The following KIF1A variants were observed in gnomAD, a reference collection of about 807,000 sequenced individuals.
KIF1A encodes the protein kinesin-like protein KIF1A.
KIF1A carries 46 observed loss-of-function variants against 227.3 expected under a neutral mutation model. The observed-to-expected ratio is 0.20, with a 90% CI of 0.16 to 0.26. The LOEUF (loss-of-function observed/expected upper bound fraction) is 0.26. Among genes scored for constraint, KIF1A ranks in the 10% least tolerant of loss-of-function variants. The probability of loss-of-function intolerance (pLI) is 1.00; values close to 1 mark genes in which losing one functional copy is unlikely to be tolerated. For missense variants in KIF1A, 1,683 were observed against 2,485.9 expected, an observed-to-expected ratio of 0.68 and a Z score of 6.87; for synonymous variants, 1,022 against 1,012.8, an observed-to-expected ratio of 1.01 and a Z score of -0.17.
At position 240,746,053 on chromosome 2, in the gene KIF1A, T is replaced by C; in HGVS notation, c.3188A>G (p.Asn1063Ser). 2 of 1,607,232 alleles carry C rather than the reference T, an allele frequency of 1.2e-6. No individual in the cohort carries two copies. Among genetic ancestry groups the C allele is most frequent in the Non-Finnish European group, 1.7e-6 (2 of 1,177,296 alleles). The change falls in exon 30 of 49, where the codon AAC (asparagine) becomes AGC (serine). Residue 1063 changes from asparagine to serine, a missense_variant. Coordinates refer to ENST00000498729, the MANE Select transcript of KIF1A (RefSeq NM_001244008.2). Reference protein sequence around the residue: ...DVGPSADEVNNNTCSAVPPEG... With the variant: ...DVGPSADEVNSNTCSAVPPEG... Reference sequence around the variant, plus strand: ...GGGCGACCCACCTGAACAGGTGTTGTTGTTGACTTCATCGGCTGAGGGCCC... The same window carrying C: ...GGGCGACCCACCTGAACAGGTGTTGCTGTTGACTTCATCGGCTGAGGGCCC...
At position 240,743,028 on chromosome 2, in the gene KIF1A, C is replaced by T. The variant is rs74924566; in HGVS notation, c.3585-44G>A. The T allele has an allele frequency of 3.9e-5, 59 of 1,513,032 alleles. No homozygotes were observed. In the East Asian group the frequency reaches 4.5e-4, roughly 11 times the overall value. The allele number at this position is 1,513,032 out of a possible 1,614,324, so 93.7% of individuals were successfully genotyped here. Reference sequence around the variant, plus strand: ...TGTGAGGTGTTTGCGGGACCCTGGGCGGGAGGGGTCAGAAGGAGACAGAAG... The same window carrying T: ...TGTGAGGTGTTTGCGGGACCCTGGGTGGGAGGGGTCAGAAGGAGACAGAAG... On this transcript the variant is annotated intron_variant, in intron 33 of 48. Transcript: ENST00000498729.
chr2:240,745,296 T>C, intron 32 of KIF1A, 131 bp downstream of exon 32: 1 of 759,484 alleles, frequency 1.3e-6, no homozygotes, highest in Non-Finnish European at 2.3e-6. Context: ...TGCCTGGCAC[T>C]GGAGTTCCCG....
At position 240,740,797 on chromosome 2, in the gene KIF1A, C is replaced by T. The variant is rs1005549557; in HGVS notation, c.3750-433G>A. Among the ~76,000 whole-genome samples the T allele has an allele frequency of 6.6e-6, 1 of 152,122 alleles. No homozygotes were observed. Among genetic ancestry groups the T allele is most frequent in the African/African-American group, 2.4e-5 (1 of 41,430 alleles). On this transcript the variant is annotated intron_variant, in intron 35 of 48. Coordinates refer to ENST00000498729, the MANE Select transcript of KIF1A (RefSeq NM_001244008.2). The surrounding 1 kb of genome is among the most constrained non-coding windows in gnomAD (Gnocchi z 6.1). ...CAAGGATCCGAGTCTCCACCAGGCCCCACTCTGAGCTGCCAGCCACAGCCC... is the reference window on the plus strand; with the variant it reads ...CAAGGATCCGAGTCTCCACCAGGCCTCACTCTGAGCTGCCAGCCACAGCCC...
At chr2:240,805,648 A>G (rs1438563800) in intron 1 of KIF1A, among the ~76,000 whole-genome samples, 2 of 142,742 alleles carry the variant, frequency 1.4e-5, no homozygotes, top group Non-Finnish European at 3.0e-5. Context: ...ATTAATGGAC[A>G]TATGTGCCTC....
chr2:240,786,216 C>T, intron 6 of KIF1A, 119 bp downstream of exon 6: 2 of 1,008,456 alleles, frequency 2.0e-6, no homozygotes, highest in Non-Finnish European at 3.0e-6. Flanking sequence ...GAGGCCACAC[C>T]TCCGCGGGGG....
At chr2:240,741,449 A>G in intron 34 of KIF1A, 72 bp from the exon 35 acceptor site, 1 of 1,223,880 alleles carries the variant, frequency 8.2e-7, no homozygotes, top group East Asian at 2.8e-5. Context: ...ACACTCAAGG[A>G]GGAGATGCCG....
chr2:240,804,585 A>G (rs942436155), intron 1 of KIF1A, among the ~76,000 whole-genome samples: 1 of 152,180 alleles, frequency 6.6e-6, no homozygotes, highest in Admixed American at 6.5e-5. Context: ...ACTGGAACCA[A>G]GTCACCACAA....
chr2:240,732,268 G>A (rs1285981229), intron 38 of KIF1A, among the ~76,000 whole-genome samples: 1 of 112,634 alleles, frequency 8.9e-6, no homozygotes, highest in African/African-American at 4.0e-5. Flanking sequence ...GGGGAGGAGG[G>A]ATGAAGGGAG....
At chr2:240,773,394 G>T (rs2052278403) in intron 12 of KIF1A, 138 bp from the exon 13 acceptor site, 1 of 1,024,768 alleles carries the variant, frequency 9.8e-7, no homozygotes, top group Non-Finnish European at 1.4e-6. Context: ...AGCCAGCACA[G>T]CCTGGCACAG....
chr2:240,743,891 G>T, intron 33 of KIF1A, 51 bp downstream of exon 33: 2 of 1,205,662 alleles, frequency 1.7e-6, no homozygotes. Context: ...AAAGATCTGG[G>T]CAGGGGCTTT....
chr2:240,818,439 C>T (rs1231746190), intron 1 of KIF1A, among the ~76,000 whole-genome samples: 2 of 152,196 alleles, frequency 1.3e-5, no homozygotes, highest in African/African-American at 2.4e-5. Context: ...AACAAGGAAC[C>T]CCTCTAAATA....
intron 38 of KIF1A, among the ~76,000 whole-genome samples, chr2:240,733,982 G>C (rs961769968): frequency 1.3e-5 from 2 of 152,376 alleles, no homozygotes; most frequent in Admixed American, 1.3e-4. Flanking sequence ...CCCCAGGCTG[G>C]CACGGGCAGG....
At chr2:240,748,651 G>A (rs775209589) in intron 28 of KIF1A, 1 of 300,908 alleles carries the variant, frequency 3.3e-6, no homozygotes. Flanking sequence ...TTGCAGCCCT[G>A]GTAAACACCC....
At chr2:240,754,484 G>A (rs73102635) in intron 27 of KIF1A, among the ~76,000 whole-genome samples, 1,822 of 152,328 alleles carry the variant, frequency 0.012, 39 homozygotes, top group African/African-American at 0.042. Flanking sequence ...CTGTGAGCTG[G>A]GCCCGGAAGG....
chr2:240,809,510 G>A (rs978645891), intron 1 of KIF1A, among the ~76,000 whole-genome samples: 8 of 152,182 alleles, frequency 5.3e-5, no homozygotes, highest in African/African-American at 1.7e-4. Flanking sequence ...CCGAACCAGC[G>A]ATGGAAGGAA....
In KIF1A at chr2:240,742,965, G is replaced by A. The variant is rs759228543; in HGVS notation, c.3604C>T (p.Arg1202Cys). The change falls in exon 34 of 49, where the codon CGC becomes TGC. Residue 1202 changes from arginine to cysteine, a missense_variant. Coordinates refer to ENST00000498729, the MANE Select transcript of KIF1A (RefSeq NM_001244008.2). Reference protein sequence around the residue: ...DVLSPLRPSRRHFPRVMPLSK... With the variant: ...DVLSPLRPSRCHFPRVMPLSK... ...AGTGGCATGACCCGAGGGAAGTGGC[G>A]GCGCGAGGGCCTCAGGGGGCTGTGG... 2.4e-5 allele frequency: 38 copies of A among 1,611,164 alleles called. No homozygotes were observed. Among genetic ancestry groups the A allele is most frequent in the East Asian group, 8.9e-5 (4 of 44,820 alleles).
intron 1 of KIF1A, among the ~76,000 whole-genome samples, chr2:240,817,178 C>T (rs971173651): frequency 1.3e-5 from 2 of 152,330 alleles, no homozygotes; most frequent in African/African-American, 2.4e-5. Flanking sequence ...GGGCAGAAGC[C>T]GGCAAGGACG....
rs778217414 is a variant in KIF1A, at chr2:240,745,917, G to A, written c.3203-8C>T. 5 of 1,598,076 alleles carry A rather than the reference G, an allele frequency of 3.1e-6. No individual in the cohort carries two copies. Among genetic ancestry groups the A allele is most frequent in the East Asian group, 2.2e-5 (1 of 44,588 alleles). Reference sequence around the variant, plus strand: ...GGCCTTCTGGGGGCACTGCTGCTGGGAGTCAAGGAGAGAGTCATGGACCTC... The same window carrying A: ...GGCCTTCTGGGGGCACTGCTGCTGGAAGTCAAGGAGAGAGTCATGGACCTC... On this transcript the variant is annotated splice_region_variant and splice_polypyrimidine_tract_variant and intron_variant, in intron 30 of 48. Transcript: ENST00000498729.
intron 43 of KIF1A, 102 bp from the exon 44 acceptor site, chr2:240,721,986 G>A: frequency 4.3e-6 from 4 of 930,418 alleles, no homozygotes; most frequent in Non-Finnish European, 6.7e-6. Flanking sequence ...ACACAGGTGG[G>A]TTCCGACGCC....
Sources: gnomAD v4.1 joint callset for allele counts (sites outside exome capture counted in the v4.1 genomes callset) on GRCh38, gnomAD v4.1.1 for gene constraint, Gnocchi (gnomAD v3.1) non-coding constraint, MANE v1.5 for transcripts, NCBI Gene and HGNC (gene_info 2026-07-23, HGNC 2026-07-21) for gene names.